Variants in PLXNA4 observed in about 807,000 individuals in gnomAD.
The protein encoded by PLXNA4 is plexin A4.
In PLXNA4, 44 loss-of-function variants were observed where a neutral mutation model predicts 191.8. The observed-to-expected ratio is 0.23, with a 90% CI of 0.18 to 0.29. The LOEUF (loss-of-function observed/expected upper bound fraction) is 0.29, where lower values mean the gene tolerates loss of function less well. PLXNA4 is among the 10% of genes least tolerant of loss of function. The pLI is 1.00. For missense variants in PLXNA4, 1,800 were observed against 2,488.8 expected, an observed-to-expected ratio of 0.72 and a Z score of 5.89; for synonymous variants, 1,082 against 1,009.5, an observed-to-expected ratio of 1.07 and a Z score of -1.36.
chr7:132,514,079 T>A (rs1473284562), intron 1 of PLXNA4, among the ~76,000 whole-genome samples: 1 of 147,532 alleles, frequency 6.8e-6, no homozygotes, highest in Non-Finnish European at 1.5e-5. Context: ...TGAGACAGAG[T>A]CTCACTCTGT....
rs139165379 is a variant in PLXNA4 at position 132,218,971 on chromosome 7, GA to G, written c.2097+4555del. Among the ~76,000 whole-genome samples, 990 of 147,370 alleles carry G rather than the reference GA, an allele frequency of 6.7e-3. 1 individual carries two copies. Among genetic ancestry groups the G allele is most frequent in the Middle Eastern group, 0.014 (4 of 286 alleles). ...TCACCTGAACGCATTCTTTGTTCAG[GA>G]AAAAAAAAAGGTAATTCAATATCCC... is the stretch of plus-strand genomic sequence containing the variant. On this transcript the variant is annotated intron_variant, in intron 9 of 31. Coordinates refer to ENST00000321063, the MANE Select transcript of PLXNA4 (RefSeq NM_020911.2).
chr7:132,519,439 T>C (rs1192319100), intron 1 of PLXNA4, among the ~76,000 whole-genome samples: 1 of 152,200 alleles, frequency 6.6e-6, no homozygotes, highest in Non-Finnish European at 1.5e-5. Context: ...CCCCAAGACC[T>C]GAGTGGACCT....
intron 3 of PLXNA4, among the ~76,000 whole-genome samples, chr7:132,372,600 T>C (rs1293037263): frequency 6.6e-6 from 1 of 152,226 alleles, no homozygotes; most frequent in Admixed American, 6.5e-5. Context: ...CTCCAAGGTC[T>C]GATGTTACTC....
intron 1 of PLXNA4, among the ~76,000 whole-genome samples, chr7:132,568,126 G>T (rs1801816484): frequency 6.6e-6 from 1 of 152,206 alleles, no homozygotes; most frequent in Non-Finnish European, 1.5e-5. Context: ...TAGAAGCAAT[G>T]ACTTACAGGA....
At chr7:132,594,163 T>C (rs1393095743) in intron 2 of PLXNA4, among the ~76,000 whole-genome samples, 1 of 152,232 alleles carries the variant, frequency 6.6e-6, no homozygotes, top group African/African-American at 2.4e-5. Flanking sequence ...GTAGATGTAA[T>C]TCGTTAAGAT....
intron 22 of PLXNA4, 41 bp from the exon 23 acceptor site, chr7:132,165,241 GA>G: frequency 6.3e-7 from 1 of 1,598,820 alleles, no homozygotes; most frequent in Non-Finnish European, 8.5e-7. Flanking sequence ...ACAAGACAAA[GA>G]AAGAAGCAGC....
intron 14 of PLXNA4, among the ~76,000 whole-genome samples, chr7:132,192,078 G>A (rs1797108782): frequency 6.6e-6 from 1 of 152,160 alleles, no homozygotes; most frequent in Admixed American, 6.5e-5. Flanking sequence ...TGCATCCAGA[G>A]GGGGTTTGGC....
chr7:132,443,868 A>T (rs76261432), intron 3 of PLXNA4, among the ~76,000 whole-genome samples: 267 of 152,350 alleles, frequency 1.8e-3, no homozygotes, highest in African/African-American at 6.1e-3. Flanking sequence ...TCCAAGCAAC[A>T]TAATAATAGA....
chr7:132,259,703 C>T (rs1227302707), intron 4 of PLXNA4, among the ~76,000 whole-genome samples: 1 of 151,996 alleles, frequency 6.6e-6, no homozygotes, highest in Non-Finnish European at 1.5e-5. Context: ...TTCATAATTG[C>T]CAACACTTGG....
At chr7:132,426,811 A>T (rs1001451023) in intron 3 of PLXNA4, among the ~76,000 whole-genome samples, 1 of 152,218 alleles carries the variant, frequency 6.6e-6, no homozygotes, top group Non-Finnish European at 1.5e-5. Flanking sequence ...AAAGGTCAAC[A>T]TTACTCAATA....
intron 10 of PLXNA4, among the ~76,000 whole-genome samples, chr7:132,205,579 C>A (rs932572253): frequency 1.3e-5 from 2 of 152,244 alleles, no homozygotes; most frequent in East Asian, 3.9e-4. Context: ...CATTCAATTT[C>A]TTCCCATCCT....
At chr7:132,290,944 G>C (rs1800864284) in intron 4 of PLXNA4, among the ~76,000 whole-genome samples, 1 of 152,240 alleles carries the variant, frequency 6.6e-6, no homozygotes, top group Non-Finnish European at 1.5e-5. Context: ...AACGTTTGCT[G>C]AATGTTCTTT....
At chr7:132,484,919 A>G (rs776428095) in intron 3 of PLXNA4, 28 of 1,614,086 alleles carry the variant, frequency 1.7e-5, no homozygotes, top group Non-Finnish European at 2.1e-5. Context: ...CACACACAGC[A>G]TCTGTTCCTG....
intron 2 of PLXNA4, among the ~76,000 whole-genome samples, chr7:132,645,768 G>A (rs1016531506): frequency 3.3e-5 from 5 of 152,140 alleles, no homozygotes; most frequent in African/African-American, 1.2e-4. Flanking sequence ...CAAAGTGATG[G>A]GCACACGTAA....
chr7:132,475,411 T>A (rs1339395567), intron 3 of PLXNA4, among the ~76,000 whole-genome samples: 1 of 152,122 alleles, frequency 6.6e-6, no homozygotes, highest in Non-Finnish European at 1.5e-5. Flanking sequence ...GAACCCCCTC[T>A]AAGAGAGAAA....
At chr7:132,324,071 C>T (rs1256484812) in intron 3 of PLXNA4, among the ~76,000 whole-genome samples, 1 of 152,062 alleles carries the variant, frequency 6.6e-6, no homozygotes, top group Non-Finnish European at 1.5e-5. Context: ...ATCCTATTTA[C>T]AAAAATTAGG....
rs777835500 is a variant in PLXNA4, at chr7:132,561,622, CCT to C, written c.-87+14798_-87+14799del. Among the ~76,000 whole-genome samples the C allele has an allele frequency of 5.6e-3, 740 of 132,066 alleles. 9 individuals carry two copies. Among genetic ancestry groups the C allele is most frequent in the Non-Finnish European group, 7.1e-3 (445 of 62,244 alleles). The allele number at this position is 132,066 out of a possible 152,430, so 86.6% of individuals were successfully genotyped here. On this transcript the variant is annotated intron_variant, in intron 1 of 31. Coordinates refer to ENST00000321063, the MANE Select transcript of PLXNA4 (RefSeq NM_020911.2). Reference sequence around the variant, plus strand: ...TCCTCCTCCTTCTCTTCCTCCTCCTCCTCTTCCTCCTCCTCCTTCTCCTCCTC... The same window carrying C: ...TCCTCCTCCTTCTCTTCCTCCTCCTCCTTCCTCCTCCTCCTTCTCCTCCTC...
chr7:132,414,825 C>A (rs1005763170), intron 3 of PLXNA4, among the ~76,000 whole-genome samples: 9 of 152,136 alleles, frequency 5.9e-5, no homozygotes, highest in African/African-American at 2.2e-4. Context: ...CACACGAAAA[C>A]CTCCCACACA....
At chr7:132,535,463 G>A (rs995974993) in intron 1 of PLXNA4, among the ~76,000 whole-genome samples, 1 of 152,122 alleles carries the variant, frequency 6.6e-6, no homozygotes, top group Non-Finnish European at 1.5e-5. Context: ...GGCCTTTTGT[G>A]GCTGAGGCCA....
Sources: gnomAD v4.1 joint callset for allele counts (sites outside exome capture counted in the v4.1 genomes callset) on GRCh38, gnomAD v4.1.1 for gene constraint, MANE v1.5 for transcripts, NCBI Gene and HGNC (gene_info 2026-07-23, HGNC 2026-07-21) for gene names.